Variants in MYO1G observed in about 807,000 individuals in gnomAD.
MYO1G encodes the protein myosin IG.
In MYO1G, 65 loss-of-function variants were observed where a neutral mutation model predicts 115.3. The ratio of observed to expected loss-of-function variants is 0.56; its 90% confidence interval spans 0.46 to 0.69. The LOEUF is 0.69. Among genes scored for constraint, MYO1G ranks in the 30% least tolerant of loss-of-function variants. The probability of loss-of-function intolerance (pLI) is 0.00; values close to 1 mark genes in which losing one functional copy is unlikely to be tolerated. For synonymous variants in MYO1G, 510 were observed against 552.6 expected, an observed-to-expected ratio of 0.92 and a Z score of 1.08; for missense variants, 1,204 against 1,393.5, an observed-to-expected ratio of 0.86 and a Z score of 2.16.
In MYO1G at chr7:44,965,085, G is replaced by C; in HGVS notation, c.2386C>G (p.Arg796Gly). 1 of 1,604,726 alleles carries C rather than the reference G, an allele frequency of 6.2e-7. No homozygotes were observed. The highest frequency in any genetic ancestry group is 8.5e-7 in the Non-Finnish European group (1 of 1,173,370). ...DTCHALFCRW[R>G]ARQLVKNIPP... ...ATGTTCTTCACCAGCTGCCGGGCCC[G>C]CCACCTGGGAGAGGGCATGTAGTCA... The change falls in exon 18 of 22, where the codon CGG (arginine) becomes GGG (glycine). Residue 796 changes from arginine to glycine, a missense_variant. Transcript: ENST00000258787.
At chr7:44,968,743 GATCCACC>G (rs562185639) in intron 12 of MYO1G, 1 of 152,596 alleles carries the variant, frequency 6.6e-6, no homozygotes, top group Admixed American at 6.5e-5. Context: ...GGCCTCAGGT[GATCCACC>G]CACTTTGGCC....
chr7:44,976,140 G>A (rs1364775126), intron 3 of MYO1G, among the ~76,000 whole-genome samples: 2 of 152,218 alleles, frequency 1.3e-5, no homozygotes, highest in African/African-American at 2.4e-5. Flanking sequence ...CAGGTTTCCT[G>A]GTTTCAAGGC....
At chr7:44,965,993 T>C in intron 16 of MYO1G, 80 bp downstream of exon 16, 1 of 1,570,966 alleles carries the variant, frequency 6.4e-7, no homozygotes, top group Non-Finnish European at 8.7e-7. Flanking sequence ...CCTGTGAAAC[T>C]TACAAGTGTG....
intron 5 of MYO1G, chr7:44,973,043 A>C (rs768893342): frequency 1.3e-5 from 2 of 152,028 alleles, no homozygotes; most frequent in African/African-American, 4.8e-5. Context: ...CTTCCACCTC[A>C]TAGGGGAATG....
chr7:44,976,742 G>C, intron 2 of MYO1G, 85 bp from the exon 3 acceptor site: 1 of 1,580,596 alleles, frequency 6.3e-7, no homozygotes, highest in South Asian at 1.1e-5. Flanking sequence ...CCCCAAGACT[G>C]GCAAGATGGG....
Position 44,969,858 on chromosome 7 carries a change from G to A in MYO1G, c.1350C>T (p.Asn450=), listed in dbSNP as rs368086311. 130 of 1,609,126 alleles carry A rather than the reference G, an allele frequency of 8.1e-5. No individual in the cohort carries two copies. The highest frequency in any genetic ancestry group is 4.1e-4 in the South Asian group (37 of 90,492). ...ITWQSVEYFN[N]ATIVDLVERP... ...GCTCCACCAGATCCACAATGGTGGCGTTGTTGAAATACTCAACCTGGGGCA... is the reference window on the plus strand; with the variant it reads ...GCTCCACCAGATCCACAATGGTGGCATTGTTGAAATACTCAACCTGGGGCA... The change falls in exon 11 of 22, where the codon AAC becomes AAT. Residue 450 remains asparagine, a synonymous_variant. Transcript: ENST00000258787. This position sits in a 1 kb window ranked among gnomAD's most constrained non-coding sequence, Gnocchi z 5.0.
intron 2 of MYO1G, 72 bp downstream of exon 2, chr7:44,976,791 G>A: frequency 6.3e-7 from 1 of 1,580,734 alleles, no homozygotes; most frequent in East Asian, 2.3e-5. Context: ...CACAGGAGAT[G>A]CTCTAATGGC....
chr7:44,979,014 G>C lies in MYO1G; in HGVS notation c.-53C>G. On this transcript the variant is annotated 5_prime_UTR_variant, in exon 1 of 22. Coordinates refer to ENST00000258787, the MANE Select transcript of MYO1G (RefSeq NM_033054.3). ...CCTTCCTGTGCCTGCTGGAAGGACA[G>C]TGAAGGAGAGGGGGAGGGAAGGCTA... is the stretch of plus-strand genomic sequence containing the variant. 2 of 1,582,520 alleles carry C rather than the reference G, an allele frequency of 1.3e-6. No individual in the cohort carries two copies. The highest frequency in any genetic ancestry group is 1.7e-6 in the Non-Finnish European group (2 of 1,151,656).
chr7:44,964,953 G>T lies in MYO1G; in HGVS notation c.2518C>A (p.Leu840Met). The T allele has an allele frequency of 1.9e-6, 3 of 1,599,190 alleles. No individual in the cohort carries two copies. The highest frequency in any genetic ancestry group is 2.6e-6 in the Non-Finnish European group (3 of 1,168,916). The change falls in exon 18 of 22, where the codon CTG becomes ATG. Residue 840 changes from leucine (L) to methionine (M), a missense_variant. Physicochemically the swap from Leu to Met is conservative, Grantham distance 15. Transcript: ENST00000258787. This position sits in a 1 kb window ranked among gnomAD's most constrained non-coding sequence, Gnocchi z 5.1. Reference sequence around the variant, plus strand: ...ACTCGCCTGGCACTTACAGAGGACAGGTAGTCTCGGGCCCAGGCCCGTCGG... The same window carrying T: ...ACTCGCCTGGCACTTACAGAGGACATGTAGTCTCGGGCCCAGGCCCGTCGG... The part of the protein sequence containing the change: ...GCRRAWARDY[L>M]SSATDNPTAS...
At chr7:44,965,535 G>T (rs1338731402) in intron 17 of MYO1G, 102 bp downstream of exon 17, 3 of 1,100,172 alleles carry the variant, frequency 2.7e-6, no homozygotes, top group Non-Finnish European at 4.1e-6. Context: ...TATCAAGGGG[G>T]CTGGTGTATC....
chr7:44,967,488 G>A (rs1213833457), intron 14 of MYO1G, 117 bp downstream of exon 14: 2 of 1,389,072 alleles, frequency 1.4e-6, no homozygotes, highest in East Asian at 2.3e-5. Context: ...ATACAGACAG[G>A]ACAAGAACCC....
chr7:44,978,136 G>A (rs1795115258), intron 1 of MYO1G, among the ~76,000 whole-genome samples: 2 of 152,142 alleles, frequency 1.3e-5, no homozygotes, highest in African/African-American at 4.8e-5. Context: ...TCTCCCCAGG[G>A]AGCTTCCGGA....
Position 44,975,561 on chromosome 7 carries a change from C to T in MYO1G, c.487G>A (p.Gly163Ser). 6.2e-7 allele frequency: 1 copy of T among 1,614,032 alleles called. No individual in the cohort carries two copies. Among genetic ancestry groups the T allele is most frequent in the Non-Finnish European group, 8.5e-7 (1 of 1,179,952 alleles). The change falls in exon 4 of 22, where the codon GGC (glycine) becomes AGC (serine). Residue 163 changes from glycine to serine, a missense_variant. Gly to Ser is a moderately conservative substitution (Grantham distance 56). Transcript: ENST00000258787. ...TCAAAGTTGATGTCCATGTACTTGC[C>T]AAAGCGGCTGGAGTTGTGATTGCGG... ...TNRNHNSSRF[G>S]KYMDINFDFK...
rs1183875604 is a variant in MYO1G, at chr7:44,964,957, G to A, written c.2514C>T (p.Asp838=). The A allele has an allele frequency of 6.3e-7, 1 of 1,596,204 alleles. No homozygotes were observed. Among genetic ancestry groups the A allele is most frequent in the Admixed American group, 1.7e-5 (1 of 59,224 alleles). Residue 838 remains aspartate (D), a synonymous_variant, in exon 18 of 22, where the codon GAC becomes GAT. Coordinates refer to ENST00000258787, the MANE Select transcript of MYO1G (RefSeq NM_033054.3). This position sits in a 1 kb window ranked among gnomAD's most constrained non-coding sequence, Gnocchi z 5.1. The part of the protein sequence containing the change: ...DWGCRRAWAR[D]YLSSATDNPT... Reference sequence around the variant, plus strand: ...GCCTGGCACTTACAGAGGACAGGTAGTCTCGGGCCCAGGCCCGTCGGCAGC... The same window carrying A: ...GCCTGGCACTTACAGAGGACAGGTAATCTCGGGCCCAGGCCCGTCGGCAGC...
chr7:44,976,822 G>T (rs780938859), intron 2 of MYO1G, 41 bp downstream of exon 2: 15 of 1,605,790 alleles, frequency 9.3e-6, no homozygotes, highest in Non-Finnish European at 1.2e-5. Context: ...GTTCACAAAT[G>T]AAGATGCCGA....
In MYO1G at chr7:44,963,323, T is replaced by C; in HGVS notation, c.2746-199A>G. 4 of 570,456 alleles carry C rather than the reference T, an allele frequency of 7.0e-6. No individual in the cohort carries two copies. Among genetic ancestry groups the C allele is most frequent in the African/African-American group, 2.0e-5 (1 of 50,014 alleles). 35.3% of individuals were successfully genotyped at this position (570,456 alleles called of 1,614,324 possible). A position where few individuals can be genotyped will look rare whatever the true frequency, so the allele number is the denominator to read the frequency against. ...ACAGGGGGAAGCTTGGGCGGGACGCTGCACAATACGATTTTCTCCAGGACT... is the reference window on the plus strand; with the variant it reads ...ACAGGGGGAAGCTTGGGCGGGACGCCGCACAATACGATTTTCTCCAGGACT... On this transcript the variant is annotated intron_variant, in intron 20 of 21. Transcript: ENST00000258787. The surrounding 1 kb of genome is among the most constrained non-coding windows in gnomAD (Gnocchi z 4.1).
intron 17 of MYO1G, 58 bp from the exon 18 acceptor site, chr7:44,965,147 C>A: frequency 6.4e-7 from 1 of 1,559,378 alleles, no homozygotes; most frequent in Non-Finnish European, 8.7e-7. Context: ...GCTCCCTGAG[C>A]CCCCTCTCCA....
chr7:44,964,593 T>C lies in MYO1G; in HGVS notation c.2527-74A>G. The C allele has an allele frequency of 8.4e-7, 1 of 1,197,420 alleles. No individual in the cohort carries two copies. Among genetic ancestry groups the C allele is most frequent in the Non-Finnish European group, 1.2e-6 (1 of 803,332 alleles). The allele number at this position is 1,197,420 out of a possible 1,614,324, so 74.2% of individuals were successfully genotyped here. On this transcript the variant is annotated intron_variant, in intron 18 of 21. Coordinates refer to ENST00000258787, the MANE Select transcript of MYO1G (RefSeq NM_033054.3). This position sits in a 1 kb window ranked among gnomAD's most constrained non-coding sequence, Gnocchi z 5.1. ...GACCAGACTCAATTGATAGCAGCTG[T>C]CTGTGAATCAGCATAGCTATCCTTC...
chr7:44,976,940 G>A lies in MYO1G; in HGVS notation c.227C>T (p.Pro76Leu). 1.2e-6 allele frequency: 2 copies of A among 1,613,608 alleles called. No individual in the cohort carries two copies. Among genetic ancestry groups the A allele is most frequent in the Non-Finnish European group, 1.7e-6 (2 of 1,180,032 alleles). ...YQGRELYERP[P>L]HLYAVANAAY... Reference sequence around the variant, plus strand: ...GGCGTTGGCCACAGCATAGAGATGGGGTGGCCGCTCATAGAGCTCACGGCC... The same window carrying A: ...GGCGTTGGCCACAGCATAGAGATGGAGTGGCCGCTCATAGAGCTCACGGCC... The change falls in exon 2 of 22, where the codon CCC becomes CTC. Residue 76 changes from proline (P) to leucine (L), a missense_variant. By Grantham distance (98) the Pro-to-Leu change is moderately conservative. Coordinates refer to ENST00000258787, the MANE Select transcript of MYO1G (RefSeq NM_033054.3).
Sources: allele counts gnomAD v4.1 joint callset (sites outside exome capture counted in the v4.1 genomes callset), GRCh38; gene constraint gnomAD v4.1.1; non-coding constraint Gnocchi (gnomAD v3.1); transcripts MANE v1.5; gene names NCBI Gene and HGNC (gene_info 2026-07-23, HGNC 2026-07-21).